The following CSGALNACT1 variants were observed in gnomAD, a reference collection of about 807,000 sequenced individuals.
The protein encoded by CSGALNACT1 is chondroitin sulfate N-acetylgalactosaminyltransferase 1, also known as beta4GalNAcT-1.
CSGALNACT1 carries 52 observed loss-of-function variants against 51.0 expected under a neutral mutation model. The ratio of observed to expected loss-of-function variants is 1.02; its 90% CI spans 0.82 to 1.29. The LOEUF (loss-of-function observed/expected upper bound fraction) is 1.29, where lower values mean the gene tolerates loss of function less well. Ranked by LOEUF, CSGALNACT1 falls within the 50% of genes most tolerant of loss-of-function variation. The probability of loss-of-function intolerance (pLI) is 0.00; values close to 1 mark genes in which losing one functional copy is unlikely to be tolerated. For synonymous variants in CSGALNACT1, 341 were observed against 254.4 expected (o/e 1.34, Z -3.24); for missense variants, 935 against 679.2 (o/e 1.38, Z -4.19).
At chr8:19,718,632 T>C (rs1248766429) in intron 1 of CSGALNACT1, among the ~76,000 whole-genome samples, 1 of 152,214 alleles carries the variant, frequency 6.6e-6, no homozygotes, top group East Asian at 1.9e-4. Flanking sequence ...TTAGTCATTT[T>C]TTAAAAACAT....
intron 8 of CSGALNACT1, among the ~76,000 whole-genome samples, chr8:19,416,208 G>A (rs908973002): frequency 8.3e-5 from 12 of 145,300 alleles, no homozygotes; most frequent in Middle Eastern, 3.2e-3. Context: ...TCTGCCTCCC[G>A]GGTTTAAGTG....
At chr8:19,595,349 A>C (rs2048665584) in intron 2 of CSGALNACT1, among the ~76,000 whole-genome samples, 1 of 152,228 alleles carries the variant, frequency 6.6e-6, no homozygotes, top group Non-Finnish European at 1.5e-5. Flanking sequence ...TTCCAATCCA[A>C]GAATTGGTAC....
chr8:19,633,783 C>T (rs909656358), intron 1 of CSGALNACT1, among the ~76,000 whole-genome samples: 3 of 152,172 alleles, frequency 2.0e-5, no homozygotes, highest in African/African-American at 7.2e-5. Context: ...GTTATAGCAA[C>T]CCTGAGAAAC....
At chr8:19,449,448 C>G (rs2062703060) in intron 5 of CSGALNACT1, among the ~76,000 whole-genome samples, 1 of 152,178 alleles carries the variant, frequency 6.6e-6, no homozygotes. Context: ...GAATCTCTAT[C>G]ATGATCCAAC....
intron 1 of CSGALNACT1, among the ~76,000 whole-genome samples, chr8:19,719,757 C>T (rs571472929): frequency 6.6e-6 from 1 of 150,588 alleles, no homozygotes; most frequent in African/African-American, 2.5e-5. Flanking sequence ...CAGCTGCCTA[C>T]ATTCACCTCT....
intron 3 of CSGALNACT1, among the ~76,000 whole-genome samples, chr8:19,580,734 T>G (rs1356109433): frequency 6.6e-6 from 1 of 152,202 alleles, no homozygotes. Context: ...TCTAGATATT[T>G]TATTCATCAA....
intron 1 of CSGALNACT1, among the ~76,000 whole-genome samples, chr8:19,653,110 C>A (rs79158524): frequency 0.014 from 2,190 of 152,244 alleles, 55 homozygotes; most frequent in African/African-American, 0.05. Context: ...CCAACTCCCC[C>A]CTCCTAGAAT....
intron 3 of CSGALNACT1, among the ~76,000 whole-genome samples, chr8:19,565,629 G>T (rs185540498): frequency 1.7e-4 from 26 of 152,250 alleles, no homozygotes; most frequent in Non-Finnish European, 2.8e-4. Flanking sequence ...TTACATTAAA[G>T]AACTTCAGGC....
At chr8:19,662,725 C>G (rs773335358) in intron 1 of CSGALNACT1, among the ~76,000 whole-genome samples, 1 of 152,160 alleles carries the variant, frequency 6.6e-6, no homozygotes, top group African/African-American at 2.4e-5. Context: ...CTGTTTCCAT[C>G]TTTGGGCAAC....
At chr8:19,735,198 T>C (rs551575133) in intron 1 of CSGALNACT1, among the ~76,000 whole-genome samples, 10 of 152,122 alleles carry the variant, frequency 6.6e-5, no homozygotes, top group African/African-American at 2.4e-4. Context: ...TGGCTCTGGG[T>C]GAAAAATGAA....
At chr8:19,716,461 A>C (rs1271501686) in intron 1 of CSGALNACT1, among the ~76,000 whole-genome samples, 1 of 151,894 alleles carries the variant, frequency 6.6e-6, no homozygotes, top group Non-Finnish European at 1.5e-5. Context: ...AATACAGTAC[A>C]AACTTTTCCC....
At chr8:19,626,823 G>A (rs964283865) in intron 1 of CSGALNACT1, among the ~76,000 whole-genome samples, 7 of 152,134 alleles carry the variant, frequency 4.6e-5, no homozygotes, top group Admixed American at 2.6e-4. Flanking sequence ...TCCTTAGCCA[G>A]AGGAAAACAC....
chr8:19,593,570 C>G (rs2048285119), intron 2 of CSGALNACT1, among the ~76,000 whole-genome samples: 1 of 152,132 alleles, frequency 6.6e-6, no homozygotes, highest in Non-Finnish European at 1.5e-5. Context: ...CTGGGAAGCC[C>G]CAGCTCCCAT....
At chr8:19,592,883 T>C (rs759099217) in intron 2 of CSGALNACT1, among the ~76,000 whole-genome samples, 15 of 152,246 alleles carry the variant, frequency 9.9e-5, no homozygotes, top group Non-Finnish European at 2.1e-4. Flanking sequence ...AACTTTCTTA[T>C]ACAGACCATA....
intron 8 of CSGALNACT1, among the ~76,000 whole-genome samples, chr8:19,416,109 CTTTTTTT>C (rs34491658): frequency 5.1e-5 from 6 of 116,716 alleles, no homozygotes; most frequent in African/African-American, 9.2e-5. Context: ...GAAATGAAAA[CTTTTTTT>C]TTTTTTTTTT....
rs77196270 is a variant in CSGALNACT1, at chr8:19,599,306, G to A, written c.-416+2465C>T. ...AGGGAGAGGCAGGAAATATATCAGT[G>A]AGCAGTGACAAGATACAAGGTGGCC... On this transcript the variant is annotated intron_variant, in intron 2 of 9. Coordinates refer to ENST00000454498, the Ensembl canonical transcript of CSGALNACT1. 3.9e-4 allele frequency among the ~76,000 whole-genome samples: 59 copies of A among 151,782 alleles called. No homozygotes were observed. In the East Asian group the frequency reaches 0.011, roughly 28 times the overall value.
chr8:19,565,347 T>C (rs1174844932), intron 3 of CSGALNACT1, among the ~76,000 whole-genome samples: 5 of 152,094 alleles, frequency 3.3e-5, no homozygotes, highest in Non-Finnish European at 5.9e-5. Context: ...AACTGTCACC[T>C]CTCCAGGCAG....
chr8:19,751,347 A>C (rs2065015150), intron 1 of CSGALNACT1, among the ~76,000 whole-genome samples: 1 of 152,196 alleles, frequency 6.6e-6, no homozygotes, highest in African/African-American at 2.4e-5. Context: ...CACATACCAC[A>C]CTAAGCAGAG....
At chr8:19,449,390 A>C (rs1021466184) in intron 5 of CSGALNACT1, among the ~76,000 whole-genome samples, 1 of 152,204 alleles carries the variant, frequency 6.6e-6, no homozygotes, top group Non-Finnish European at 1.5e-5. Context: ...GGAGAACTAG[A>C]CTATGCAAAA....
Sources: allele counts gnomAD v4.1 joint callset (sites outside exome capture counted in the v4.1 genomes callset), GRCh38; gene constraint gnomAD v4.1.1; transcripts MANE v1.5; gene names NCBI Gene and HGNC (gene_info 2026-07-23, HGNC 2026-07-21).